The following PGM2L1 variants were observed in gnomAD, a reference collection of about 807,000 sequenced individuals.
PGM2L1 encodes glucose 1,6-bisphosphate synthase.
In PGM2L1, 35 loss-of-function variants were observed where a neutral mutation model predicts 73.4. The ratio of observed to expected loss-of-function variants is 0.48; its 90% CI spans 0.36 to 0.63. PGM2L1 has a LOEUF of 0.63. Among genes scored for constraint, PGM2L1 ranks in the 30% least tolerant of loss-of-function variants. PGM2L1 has a pLI of 0.00. For missense variants in PGM2L1, 570 were observed against 742.0 expected, an observed-to-expected ratio of 0.77 and a Z score of 2.69; for synonymous variants, 225 against 253.8, an observed-to-expected ratio of 0.89 and a Z score of 1.08.
intron 1 of PGM2L1, among the ~76,000 whole-genome samples, chr11:74,391,725 A>G (rs959201206): frequency 5.9e-5 from 9 of 151,892 alleles, no homozygotes; most frequent in Non-Finnish European, 1.2e-4. Flanking sequence ...TTATAGTTTG[A>G]TCGTTAGTTA....
chr11:74,363,892 T>G (rs1053731584), intron 5 of PGM2L1, among the ~76,000 whole-genome samples: 1 of 152,058 alleles, frequency 6.6e-6, no homozygotes, highest in Non-Finnish European at 1.5e-5. Context: ...TACCAAAGCC[T>G]GGCAGAGACA....
At chr11:74,360,301 G>A (rs191050528) in intron 5 of PGM2L1, among the ~76,000 whole-genome samples, 87 of 151,660 alleles carry the variant, frequency 5.7e-4, no homozygotes, top group African/African-American at 2.0e-3. Context: ...AGGTAGGGAG[G>A]GAGGTAGGGA....
At chr11:74,385,834 T>C (rs560285620) in intron 1 of PGM2L1, among the ~76,000 whole-genome samples, 31 of 152,142 alleles carry the variant, frequency 2.0e-4, no homozygotes, top group Admixed American at 1.3e-3. Context: ...GAAATTAGGC[T>C]ACAATTATGG....
In PGM2L1 at chr11:74,333,147, G is replaced by C. The variant is rs1862039289; in HGVS notation, c.*3505C>G. Reference sequence around the variant, plus strand: ...TGCTGGAAAGAAGGACCCTTAAAAAGTCATCTGTATATCTCTTAATTTTTA... The same window carrying C: ...TGCTGGAAAGAAGGACCCTTAAAAACTCATCTGTATATCTCTTAATTTTTA... On this transcript the variant is annotated 3_prime_UTR_variant, in exon 14 of 14. Transcript: ENST00000298198. 1 of 151,960 alleles carries C rather than the reference G, an allele frequency of 6.6e-6. No individual in the cohort carries two copies. The highest frequency in any genetic ancestry group is 2.4e-5 in the African/African-American group (1 of 41,366). 9.4% of individuals were successfully genotyped at this position (151,960 alleles called of 1,614,324 possible).
chr11:74,389,036 T>A (rs995999497), intron 1 of PGM2L1, among the ~76,000 whole-genome samples: 4 of 152,188 alleles, frequency 2.6e-5, no homozygotes, highest in Non-Finnish European at 5.9e-5. Context: ...GACAAGCCAA[T>A]TGTGCTGTCT....
chr11:74,393,208 T>C (rs562789916), intron 1 of PGM2L1, among the ~76,000 whole-genome samples: 1 of 152,352 alleles, frequency 6.6e-6, no homozygotes, highest in Admixed American at 6.5e-5. Flanking sequence ...GTATACTGTG[T>C]ACTCTTCATT....
intron 5 of PGM2L1, among the ~76,000 whole-genome samples, chr11:74,365,715 G>A (rs1862644851): frequency 6.6e-6 from 1 of 152,190 alleles, no homozygotes; most frequent in Admixed American, 6.5e-5. Flanking sequence ...GGAAACAACA[G>A]GTACTGGAGA....
intron 1 of PGM2L1, among the ~76,000 whole-genome samples, chr11:74,392,015 A>C (rs1035047249): frequency 6.6e-6 from 1 of 152,242 alleles, no homozygotes; most frequent in African/African-American, 2.4e-5. Flanking sequence ...AAAATTTAGG[A>C]GACATAGAGA....
In PGM2L1 at chr11:74,390,461, A is replaced by T. The variant is rs1426461315; in HGVS notation, c.111+7590T>A. ...CACTGAATAATATTTGATATGCAAC[A>T]GTTTGCTTATTCATTCACCTATTGA... On this transcript the variant is annotated intron_variant, in intron 1 of 13. Transcript: ENST00000298198. 3.9e-5 allele frequency among the ~76,000 whole-genome samples: 6 copies of T among 152,176 alleles called. No homozygotes were observed. In the East Asian group the frequency reaches 1.2e-3, roughly 29 times the overall value.
intron 6 of PGM2L1, among the ~76,000 whole-genome samples, chr11:74,349,961 A>G (rs939500220): frequency 2.6e-5 from 4 of 152,200 alleles, no homozygotes; most frequent in Admixed American, 6.5e-5. Context: ...CTAGAAATAC[A>G]TAGTCAATAA....
At chr11:74,378,715 T>C (rs542990266) in intron 1 of PGM2L1, among the ~76,000 whole-genome samples, 2 of 152,318 alleles carry the variant, frequency 1.3e-5, no homozygotes, top group East Asian at 1.9e-4. Context: ...TTTTCTTTTT[T>C]CTATATTGTA....
At chr11:74,377,471 G>A (rs533677557) in intron 1 of PGM2L1, among the ~76,000 whole-genome samples, 1 of 152,054 alleles carries the variant, frequency 6.6e-6, no homozygotes, top group South Asian at 2.1e-4. Flanking sequence ...GTAGAACTCA[G>A]GTATAGTAAA....
intron 5 of PGM2L1, chr11:74,355,570 AAAAAAAAAAT>A (rs376325215): frequency 0.14 from 45,816 of 327,624 alleles, 2,669 homozygotes; most frequent in East Asian, 0.24. Flanking sequence ...AAAAAAAAAA[AAAAAAAAAAT>A]TTGGATCCAT....
chr11:74,390,319 G>A (rs1041027416), intron 1 of PGM2L1, among the ~76,000 whole-genome samples: 1 of 152,102 alleles, frequency 6.6e-6, no homozygotes, highest in Non-Finnish European at 1.5e-5. Context: ...TTACTACACT[G>A]TGTAGTTTTT....
chr11:74,336,746 G>A lies in PGM2L1; in HGVS notation c.1775C>T (p.Ala592Val). 2 of 1,602,148 alleles carry A rather than the reference G, an allele frequency of 1.2e-6. No individual in the cohort carries two copies. The highest frequency in any genetic ancestry group is 1.7e-6 in the Non-Finnish European group (2 of 1,171,572). ...MCASPDQSDT[A>V]LLEEELKKLI... is the part of the protein sequence containing the mutation. The stretch of plus-strand genomic sequence containing the variant: ...TTTCTTCAGTTCTTCCTCCAGTAAA[G>A]CAGTGTCACTGAGGAAAAGATGAAG... The change falls in exon 14 of 14, where the codon GCT (alanine) becomes GTT (valine). Residue 592 changes from alanine (A) to valine (V), a missense_variant. Ala to Val is a moderately conservative substitution (Grantham distance 64, BLOSUM62 0). Transcript: ENST00000298198.
In PGM2L1 at chr11:74,342,592, T is replaced by C. The variant is rs567681492; in HGVS notation, c.1501A>G (p.Lys501Glu). 1.0e-5 allele frequency: 16 copies of C among 1,604,844 alleles called. No homozygotes were observed. The South Asian group carries it at 1.8e-4, about 18-fold the overall frequency. The change falls in exon 12 of 14, where the codon AAA becomes GAA. Residue 501 changes from lysine (K) to glutamate (E), a missense_variant. Coordinates refer to ENST00000298198, the MANE Select transcript of PGM2L1 (RefSeq NM_173582.6). ...YFLCYEPPTI[K>E]SIFERLRNFD... is the part of the protein sequence containing the mutation. The stretch of plus-strand genomic sequence containing the variant: ...TTACGAAGCCTTTCAAATATACTTT[T>C]GATGGTAGGTGGTTCATAACACAAG...
chr11:74,345,713 G>A, intron 8 of PGM2L1, 64 bp from the exon 9 acceptor site: 1 of 1,424,588 alleles, frequency 7.0e-7, no homozygotes, highest in Non-Finnish European at 9.6e-7. Flanking sequence ...TTGACTCCAA[G>A]GCCTAAAAAT....
chr11:74,374,733 A>C (rs1591185656), intron 1 of PGM2L1, 151 bp from the exon 2 acceptor site: 2 of 628,610 alleles, frequency 3.2e-6, no homozygotes. Flanking sequence ...ATAAAATAAT[A>C]CCTGCCATTC....
At chr11:74,371,429 T>C (rs1862751457) in intron 3 of PGM2L1, among the ~76,000 whole-genome samples, 1 of 152,192 alleles carries the variant, frequency 6.6e-6, no homozygotes, top group African/African-American at 2.4e-5. Context: ...GCTACATAAT[T>C]ACTACTACCC....
Sources: allele counts gnomAD v4.1 joint callset (sites outside exome capture counted in the v4.1 genomes callset), GRCh38; gene constraint gnomAD v4.1.1; transcripts MANE v1.5; gene names NCBI Gene and HGNC (gene_info 2026-07-23, HGNC 2026-07-21).